The following PACC1 variants were observed in gnomAD, a reference collection of about 807,000 sequenced individuals.
PACC1 encodes the protein proton activated chloride channel 1.
In PACC1, 34 loss-of-function variants were observed where a neutral mutation model predicts 39.7. The ratio of observed to expected loss-of-function variants is 0.86; its 90% CI spans 0.65 to 1.14. The LOEUF (loss-of-function observed/expected upper bound fraction) is 1.14. Among genes scored for constraint, PACC1 ranks in the 50% most tolerant of loss-of-function variants. PACC1 has a pLI of 0.00. For synonymous variants in PACC1, 127 were observed against 160.6 expected (o/e 0.79, Z 1.58); for missense variants, 379 against 436.4 (o/e 0.87, Z 1.17).
chr1:212,414,639 A>AC, intron 1 of PACC1, 83 bp downstream of exon 1: 5 of 1,415,902 alleles, frequency 3.5e-6, no homozygotes, highest in East Asian at 2.5e-5. Context: ...CAGCCCCGAC[A>AC]CCCCCCGCCC....
chr1:212,384,228 G>T (rs187378099), intron 4 of PACC1, among the ~76,000 whole-genome samples: 74 of 152,220 alleles, frequency 4.9e-4, no homozygotes, highest in Admixed American at 2.0e-3. Flanking sequence ...GTTCTAGTCT[G>T]TTCTATCTCA....
Position 212,377,609 on chromosome 1 carries a change from T to G in PACC1, c.736A>C (p.Lys246Gln). 6.2e-7 allele frequency: 1 copy of G among 1,614,188 alleles called. No homozygotes were observed. ...TCCCGCCCATCCTCCTCCTTGGTCT[T>G]TACCAGTGACATCTTGACCCAGGTG... is the stretch of plus-strand genomic sequence containing the variant. Reference protein sequence around the residue: ...FRTWVKMSLVKTKEEDGREAV... With the variant: ...FRTWVKMSLVQTKEEDGREAV... Residue 246 changes from lysine to glutamine, a missense_variant, in exon 6 of 8, where the codon AAG becomes CAG. Lys to Gln is a moderately conservative substitution (Grantham distance 53). Coordinates refer to ENST00000261455, the MANE Select transcript of PACC1 (RefSeq NM_018252.3).
At chr1:212,367,310 C>T (rs1014793161) in intron 7 of PACC1, among the ~76,000 whole-genome samples, 2 of 152,194 alleles carry the variant, frequency 1.3e-5, no homozygotes, top group Non-Finnish European at 1.5e-5. Context: ...GCTGCCTACA[C>T]ACCCCTCCCC....
intron 2 of PACC1, among the ~76,000 whole-genome samples, chr1:212,395,769 G>T (rs1558178005): frequency 6.6e-6 from 1 of 151,942 alleles, no homozygotes; most frequent in Non-Finnish European, 1.5e-5. Context: ...ATCAACAAGT[G>T]AGTGAAGGAT....
intron 2 of PACC1, among the ~76,000 whole-genome samples, chr1:212,399,885 C>G (rs1022129365): frequency 2.0e-5 from 3 of 151,686 alleles, no homozygotes; most frequent in African/African-American, 7.3e-5. Context: ...ACTCTTGTTG[C>G]CCAAGCTAGA....
chr1:212,397,938 G>A (rs1458810616), intron 2 of PACC1, among the ~76,000 whole-genome samples: 1 of 152,168 alleles, frequency 6.6e-6, no homozygotes, highest in Non-Finnish European at 1.5e-5. Context: ...CTGCAGCTTT[G>A]CTACTAACTA....
At chr1:212,390,429 GAAAAAA>G (rs569040186) in intron 2 of PACC1, among the ~76,000 whole-genome samples, 1 of 73,912 alleles carries the variant, frequency 1.4e-5, no homozygotes, top group African/African-American at 4.2e-5. Context: ...ATCTCAAAAA[GAAAAAA>G]AAAAAAAAAA....
chr1:212,401,969 C>G (rs749967821), intron 2 of PACC1, among the ~76,000 whole-genome samples: 11 of 152,142 alleles, frequency 7.2e-5, no homozygotes, highest in Non-Finnish European at 1.5e-4. Flanking sequence ...GCCACCGCAC[C>G]CAGCCAGTTC....
chr1:212,395,246 C>T (rs186374126), intron 2 of PACC1, among the ~76,000 whole-genome samples: 3,475 of 152,180 alleles, frequency 0.023, 141 homozygotes, highest in African/African-American at 0.079. Flanking sequence ...GAGATATAGA[C>T]CAATGGAACA....
intron 4 of PACC1, among the ~76,000 whole-genome samples, chr1:212,385,010 C>G (rs932199919): frequency 3.9e-5 from 6 of 152,252 alleles, no homozygotes; most frequent in African/African-American, 1.2e-4. Context: ...TGCCATTCTT[C>G]CATTGGGGAC....
rs1413095313 is a variant in PACC1, at chr1:212,365,253, G to C, written c.1015C>G (p.Leu339Val). The C allele has an allele frequency of 1.2e-6, 2 of 1,613,684 alleles. No homozygotes were observed. Among genetic ancestry groups the C allele is most frequent in the South Asian group, 2.2e-5 (2 of 91,050 alleles). Residue 339 changes from leucine to valine, a missense_variant, in exon 8 of 8, where the codon CTT (leucine) becomes GTT (valine). Physicochemically the swap from Leu to Val is conservative, Grantham distance 32 (BLOSUM62 1). Transcript: ENST00000261455. The stretch of plus-strand genomic sequence containing the variant: ...CTCGTTGCCTGACCTCTTCTTTTAA[G>C]GTATCTCTTTCTAATTTTGATCATC... Reference protein sequence around the residue: ...KWMIKIRKRYLKRRGQATSHI... With the variant: ...KWMIKIRKRYVKRRGQATSHI...
intron 4 of PACC1, among the ~76,000 whole-genome samples, chr1:212,382,581 A>C (rs1435243882): frequency 6.6e-6 from 1 of 152,168 alleles, no homozygotes; most frequent in Non-Finnish European, 1.5e-5. Flanking sequence ...ACAGGATGAG[A>C]CCCTCGACTG....
intron 2 of PACC1, among the ~76,000 whole-genome samples, chr1:212,393,051 T>C (rs1264420617): frequency 6.6e-6 from 1 of 152,052 alleles, no homozygotes; most frequent in Non-Finnish European, 1.5e-5. Flanking sequence ...AACAAGGATA[T>C]CCAGGAATTG....
chr1:212,365,064 G>T lies in PACC1; in HGVS notation c.*151C>A. The T allele has an allele frequency of 1.5e-6, 1 of 652,496 alleles. No homozygotes were observed. The highest frequency in any genetic ancestry group is 2.8e-5 in the South Asian group (1 of 35,284). The allele number at this position is 652,496 out of a possible 1,614,324, so 40.4% of individuals were successfully genotyped here. On this transcript the variant is annotated 3_prime_UTR_variant, in exon 8 of 8. Coordinates refer to ENST00000261455, the MANE Select transcript of PACC1 (RefSeq NM_018252.3). ...GCTCTACACCGCCTCTTTTGGGACGGGGTTAGAAGTTCCAGTTTTACATGC... is the reference window on the plus strand; with the variant it reads ...GCTCTACACCGCCTCTTTTGGGACGTGGTTAGAAGTTCCAGTTTTACATGC...
Position 212,379,994 on chromosome 1 carries a change from C to G in PACC1, c.539G>C (p.Arg180Pro). ...IVQGPREVKK[R>P]ELVFLQFRLN... is the part of the protein sequence containing the mutation. Reference sequence around the variant, plus strand: ...GCGGAACTGGAGGAAGACCAGCTCCCGCTTTTTCACTTCCCGGGGCCCCTG... The same window carrying G: ...GCGGAACTGGAGGAAGACCAGCTCCGGCTTTTTCACTTCCCGGGGCCCCTG... Residue 180 changes from arginine to proline, a missense_variant, in exon 5 of 8, where the codon CGG becomes CCG. Coordinates refer to ENST00000261455, the MANE Select transcript of PACC1 (RefSeq NM_018252.3). 6.2e-7 allele frequency: 1 copy of G among 1,614,158 alleles called. No individual in the cohort carries two copies. Among genetic ancestry groups the G allele is most frequent in the Non-Finnish European group, 8.5e-7 (1 of 1,180,026 alleles).
chr1:212,389,733 T>A (rs1383213416), intron 2 of PACC1, among the ~76,000 whole-genome samples: 2 of 152,120 alleles, frequency 1.3e-5, no homozygotes, highest in Non-Finnish European at 2.9e-5. Flanking sequence ...AGAATTTCAG[T>A]TTTGCAGGAT....
At chr1:212,371,052 C>A (rs1348949810) in intron 7 of PACC1, among the ~76,000 whole-genome samples, 2 of 151,920 alleles carry the variant, frequency 1.3e-5, no homozygotes, top group African/African-American at 4.8e-5. Flanking sequence ...ACAAGACCAT[C>A]CTGGCCAAAA....
intron 7 of PACC1, 51 bp from the exon 8 acceptor site, chr1:212,365,427 T>TTA: frequency 5.7e-5 from 82 of 1,427,008 alleles, no homozygotes; most frequent in Middle Eastern, 1.9e-4. Flanking sequence ...TCAGTCTTGA[T>TTA]TCTTTTTTTT....
chr1:212,375,671 G>T (rs1660640467), intron 6 of PACC1, among the ~76,000 whole-genome samples: 1 of 152,202 alleles, frequency 6.6e-6, no homozygotes, highest in South Asian at 2.1e-4. Context: ...GATCACCTGA[G>T]GTCAGGAGTT....
Sources: gnomAD v4.1 joint callset for allele counts (sites outside exome capture counted in the v4.1 genomes callset) on GRCh38, gnomAD v4.1.1 for gene constraint, MANE v1.5 for transcripts, NCBI Gene and HGNC (gene_info 2026-07-23, HGNC 2026-07-21) for gene names.